UNC13C: variants seen among roughly 807,000 people sequenced by gnomAD.
The protein encoded by UNC13C is unc-13 homolog C.
In UNC13C, 174 loss-of-function variants were observed where a neutral mutation model predicts 245.4. The observed-to-expected ratio is 0.71, with a 90% CI of 0.63 to 0.80. The LOEUF is 0.80. Among genes scored for constraint, UNC13C ranks in the 30% least tolerant of loss-of-function variants. The pLI is 0.00. For missense variants in UNC13C, 2,829 were observed against 2,602.9 expected (o/e 1.09, Z -1.89); for synonymous variants, 992 against 895.1 (o/e 1.11, Z -1.93).
intron 2 of UNC13C, among the ~76,000 whole-genome samples, chr15:54,028,514 C>T (rs543088995): frequency 3.3e-5 from 5 of 152,158 alleles, no homozygotes; most frequent in South Asian, 2.1e-4. Flanking sequence ...AAAATGACAG[C>T]GAGCCCATAG....
intron 21 of UNC13C, among the ~76,000 whole-genome samples, chr15:54,500,377 C>A (rs1894151558): frequency 6.6e-6 from 1 of 151,224 alleles, no homozygotes; most frequent in South Asian, 2.1e-4. Context: ...AAAAATCAAT[C>A]ACCCATTTTT....
At chr15:54,304,471 C>CA (rs1325689329) in intron 13 of UNC13C, among the ~76,000 whole-genome samples, 1 of 151,834 alleles carries the variant, frequency 6.6e-6, no homozygotes, top group African/African-American at 2.4e-5. Flanking sequence ...ACATTTTTCC[C>CA]AGCTTAGCAA....
At chr15:54,007,521 AAC>A (rs1205144047) in intron 1 of UNC13C, among the ~76,000 whole-genome samples, 1 of 152,150 alleles carries the variant, frequency 6.6e-6, no homozygotes, top group East Asian at 1.9e-4. Context: ...CAGAAAACCA[AAC>A]ACTGCATCTT....
chr15:54,516,102 A>G (rs1412107828), intron 24 of UNC13C, among the ~76,000 whole-genome samples: 4 of 152,230 alleles, frequency 2.6e-5, no homozygotes, highest in Non-Finnish European at 5.9e-5. Flanking sequence ...ACTGCCCAAA[A>G]GTGTGTGTAT....
the UNC13C span, among the ~76,000 whole-genome samples, chr15:53,930,662 A>G: frequency 6.6e-6 from 1 of 152,240 alleles, no homozygotes; most frequent in Admixed American, 6.5e-5. Flanking sequence ...GGATTTTATT[A>G]GATCTGCCCC....
At chr15:54,191,101 G>T (rs1347025177) in intron 4 of UNC13C, among the ~76,000 whole-genome samples, 2 of 152,080 alleles carry the variant, frequency 1.3e-5, no homozygotes, top group East Asian at 3.9e-4. Context: ...TGCTGAACAT[G>T]CAGGTTTGTT....
the UNC13C span, among the ~76,000 whole-genome samples, chr15:53,890,875 C>G: frequency 4.9e-3 from 749 of 152,200 alleles, 3 homozygotes; most frequent in African/African-American, 0.018. Flanking sequence ...CAGTTCTGCT[C>G]TGATCTTAGT....
the UNC13C span, among the ~76,000 whole-genome samples, chr15:53,880,756 T>C: frequency 6.6e-6 from 1 of 152,000 alleles, no homozygotes; most frequent in East Asian, 1.9e-4. Context: ...GTTGTTCTGC[T>C]TAAAATATTG....
intron 17 of UNC13C, among the ~76,000 whole-genome samples, chr15:54,342,200 C>G (rs1489705887): frequency 6.6e-6 from 1 of 152,002 alleles, no homozygotes; most frequent in Non-Finnish European, 1.5e-5. Context: ...ATAGAAAAAT[C>G]TAAAAATATT....
chr15:54,455,227 AT>A (rs1891439120), intron 19 of UNC13C, among the ~76,000 whole-genome samples: 2 of 84,478 alleles, frequency 2.4e-5, no homozygotes, highest in Non-Finnish European at 5.1e-5. Flanking sequence ...ATATATATAT[AT>A]ATATATATAT....
intron 2 of UNC13C, among the ~76,000 whole-genome samples, chr15:54,038,064 A>G (rs1896645393): frequency 7.5e-6 from 1 of 134,040 alleles, no homozygotes; most frequent in South Asian, 2.3e-4. Flanking sequence ...TTTATGTTAT[A>G]CTTGTATGTA....
chr15:54,401,078 A>G (rs1773396476), intron 18 of UNC13C, among the ~76,000 whole-genome samples: 1 of 152,152 alleles, frequency 6.6e-6, no homozygotes, highest in African/African-American at 2.4e-5. Flanking sequence ...TCTTTCATTA[A>G]TTAGGTTTAC....
chr15:54,476,382 C>T (rs1892739516), intron 19 of UNC13C, among the ~76,000 whole-genome samples: 1 of 149,900 alleles, frequency 6.7e-6, no homozygotes, highest in South Asian at 2.2e-4. Context: ...AAGTCCTTGC[C>T]CATGCCTATG....
chr15:53,906,198 T>C, the UNC13C span, among the ~76,000 whole-genome samples: 2 of 152,052 alleles, frequency 1.3e-5, no homozygotes, highest in African/African-American at 2.4e-5. Context: ...TGGTGGTGCA[T>C]GCGTGTAGTC....
intron 10 of UNC13C, among the ~76,000 whole-genome samples, chr15:54,292,197 G>A (rs995277013): frequency 3.3e-5 from 5 of 151,938 alleles, no homozygotes; most frequent in Admixed American, 3.3e-4. Context: ...GGACATTTCA[G>A]TGTCTAGTAA....
intron 14 of UNC13C, among the ~76,000 whole-genome samples, chr15:54,330,324 T>C (rs2038406336): frequency 1.3e-5 from 2 of 152,222 alleles, no homozygotes; most frequent in African/African-American, 2.4e-5. Context: ...CTACATCTCA[T>C]TGGCCAAAAC....
At chr15:54,142,292 C>T (rs942591660) in intron 2 of UNC13C, among the ~76,000 whole-genome samples, 1 of 152,126 alleles carries the variant, frequency 6.6e-6, no homozygotes, top group East Asian at 1.9e-4. Flanking sequence ...AAACTGTAGA[C>T]CAAGCACCCT....
At chr15:54,553,282 ATAT>A (rs1388976380) in intron 28 of UNC13C, among the ~76,000 whole-genome samples, 1 of 99,056 alleles carries the variant, frequency 1.0e-5, no homozygotes. Context: ...ACAATATAGA[ATAT>A]TATATATTGT....
At chr15:54,501,895 A>T (rs1894233890) in intron 22 of UNC13C, among the ~76,000 whole-genome samples, 1 of 152,126 alleles carries the variant, frequency 6.6e-6, no homozygotes, top group Non-Finnish European at 1.5e-5. Context: ...TTGTGGGGAG[A>T]AGCAGTAGGA....
Sources: gnomAD v4.1 joint callset for allele counts (sites outside exome capture counted in the v4.1 genomes callset) on GRCh38, gnomAD v4.1.1 for gene constraint, MANE v1.5 for transcripts, NCBI Gene and HGNC (gene_info 2026-07-23, HGNC 2026-07-21) for gene names.